The following SNTG1 variants were observed in gnomAD, a reference collection of about 807,000 sequenced individuals.
The protein encoded by SNTG1 is gamma-1-syntrophin.
In SNTG1, 39 loss-of-function variants were observed where a neutral mutation model predicts 74.7. That is an observed-to-expected ratio of 0.52 (90% confidence interval 0.40 to 0.68). SNTG1 has a LOEUF of 0.68. Ranked by LOEUF, SNTG1 falls within the 30% of genes least tolerant of loss-of-function variation. The pLI is 0.00. For synonymous variants in SNTG1, 254 were observed against 217.1 expected (o/e 1.17, Z -1.49); for missense variants, 685 against 609.5 (o/e 1.12, Z -1.30).
chr8:49,981,767 TA>T (rs1318020353), intron 1 of SNTG1, among the ~76,000 whole-genome samples: 1 of 152,202 alleles, frequency 6.6e-6, no homozygotes, highest in African/African-American at 2.4e-5. Context: ...CCCAAAGGCA[TA>T]TAAAATATTT....
chr8:50,173,651 A>T (rs1206209170), intron 2 of SNTG1, among the ~76,000 whole-genome samples: 1 of 152,104 alleles, frequency 6.6e-6, no homozygotes, highest in Non-Finnish European at 1.5e-5. Flanking sequence ...GCAAGTTCTG[A>T]GGCACTGAGG....
At chr8:50,454,007 G>A (rs866338970) in intron 8 of SNTG1, among the ~76,000 whole-genome samples, 20 of 152,146 alleles carry the variant, frequency 1.3e-4, no homozygotes, top group African/African-American at 2.2e-4. Flanking sequence ...ATGTGAACAC[G>A]TTTTGGAGCT....
chr8:50,191,288 T>C (rs2083563870), intron 2 of SNTG1, among the ~76,000 whole-genome samples: 1 of 152,196 alleles, frequency 6.6e-6, no homozygotes, highest in Non-Finnish European at 1.5e-5. Flanking sequence ...TTGTAACAGA[T>C]ATTTTATCCT....
intron 14 of SNTG1, 123 bp from the exon 15 acceptor site, chr8:50,658,469 C>A: frequency 1.7e-6 from 1 of 587,564 alleles, no homozygotes; most frequent in Non-Finnish European, 2.9e-6. Context: ...CATGGCTTCA[C>A]AGATGAGAGA....
intron 1 of SNTG1, among the ~76,000 whole-genome samples, chr8:49,915,566 A>G (rs535736346): frequency 2.6e-5 from 4 of 152,320 alleles, no homozygotes; most frequent in South Asian, 2.1e-4. Flanking sequence ...TTCTATATCA[A>G]TTGGACAAAC....
chr8:50,372,501 ATCTT>A (rs1397332013), intron 2 of SNTG1, among the ~76,000 whole-genome samples: 3 of 152,030 alleles, frequency 2.0e-5, no homozygotes, highest in Non-Finnish European at 4.4e-5. Flanking sequence ...GATACTTTGC[ATCTT>A]TCTTTATTTA....
intron 2 of SNTG1, among the ~76,000 whole-genome samples, chr8:50,306,505 C>T (rs571888919): frequency 2.0e-5 from 3 of 152,104 alleles, no homozygotes; most frequent in Admixed American, 6.5e-5. Flanking sequence ...CTAATTTACA[C>T]TCTCAAAAGC....
chr8:49,926,176 A>G (rs2129349643), intron 1 of SNTG1, among the ~76,000 whole-genome samples: 1 of 152,160 alleles, frequency 6.6e-6, no homozygotes, highest in East Asian at 1.9e-4. Context: ...AAATCAATAA[A>G]CTTCCCACAC....
intron 1 of SNTG1, among the ~76,000 whole-genome samples, chr8:50,089,931 C>A (rs1176299924): frequency 6.6e-6 from 1 of 152,170 alleles, no homozygotes; most frequent in Admixed American, 6.5e-5. Context: ...GACTATAAAT[C>A]ATGCTGCTAT....
chr8:50,191,692 GCA>G (rs1216406756), intron 2 of SNTG1, among the ~76,000 whole-genome samples: 1 of 152,022 alleles, frequency 6.6e-6, no homozygotes, highest in African/African-American at 2.4e-5. Context: ...AGCCCTGCAT[GCA>G]GTAGGTATTT....
At chr8:50,691,669 G>T (rs2095380244) in intron 15 of SNTG1, among the ~76,000 whole-genome samples, 1 of 152,070 alleles carries the variant, frequency 6.6e-6, no homozygotes, top group African/African-American at 2.4e-5. Flanking sequence ...TTTCTCTCTG[G>T]CTGCCCTTAA....
intron 10 of SNTG1, among the ~76,000 whole-genome samples, chr8:50,534,095 T>TA (rs1213133457): frequency 2.0e-5 from 3 of 152,176 alleles, no homozygotes; most frequent in African/African-American, 4.8e-5. Context: ...AATAATCAAG[T>TA]AAAAAAATCC....
intron 1 of SNTG1, among the ~76,000 whole-genome samples, chr8:50,145,130 G>A (rs529578348): frequency 5.3e-5 from 8 of 152,166 alleles, no homozygotes; most frequent in Non-Finnish European, 8.8e-5. Flanking sequence ...GATGCCAGGA[G>A]TGACAGTGGC....
chr8:49,936,952 C>T (rs1359237598), intron 1 of SNTG1, among the ~76,000 whole-genome samples: 1 of 152,086 alleles, frequency 6.6e-6, no homozygotes, highest in Non-Finnish European at 1.5e-5. Context: ...AGTTCCAGAC[C>T]AGCCTGGTCA....
chr8:50,597,380 C>T (rs62516792), intron 13 of SNTG1, among the ~76,000 whole-genome samples: 3 of 131,440 alleles, frequency 2.3e-5, no homozygotes, highest in Admixed American at 7.8e-5. Flanking sequence ...TGTATATATA[C>T]ACATATATAC....
At chr8:50,700,968 CAG>C (rs1374270153) in intron 15 of SNTG1, among the ~76,000 whole-genome samples, 1 of 152,018 alleles carries the variant, frequency 6.6e-6, no homozygotes, top group East Asian at 1.9e-4. Flanking sequence ...GGTAATATAA[CAG>C]AAGATCTTAA....
chr8:50,345,314 G>C (rs2091439539), intron 2 of SNTG1, among the ~76,000 whole-genome samples: 1 of 152,170 alleles, frequency 6.6e-6, no homozygotes, highest in African/African-American at 2.4e-5. Flanking sequence ...TATTCTGAAA[G>C]CTGGCAAGGT....
chr8:50,163,392 A>G (rs1303963834), intron 1 of SNTG1: 1 of 150,650 alleles, frequency 6.6e-6, no homozygotes, highest in South Asian at 2.1e-4. Flanking sequence ...TCCAAAATTT[A>G]TGTCTTCCAG....
intron 2 of SNTG1, among the ~76,000 whole-genome samples, chr8:50,198,261 C>T (rs192124773): frequency 3.9e-4 from 60 of 152,214 alleles, no homozygotes; most frequent in South Asian, 3.1e-3. Flanking sequence ...TTGAATCCGC[C>T]GGCTCTGAAG....
Sources: gnomAD v4.1 joint callset for allele counts (sites outside exome capture counted in the v4.1 genomes callset) on GRCh38, gnomAD v4.1.1 for gene constraint, MANE v1.5 for transcripts, NCBI Gene and HGNC (gene_info 2026-07-23, HGNC 2026-07-21) for gene names.